Variants in DPF3 observed in about 807,000 individuals in gnomAD.
DPF3 encodes the protein double PHD fingers 3, also known as zinc finger protein DPF3.
In DPF3, 18 loss-of-function variants were observed where a neutral mutation model predicts 56.8. The observed-to-expected ratio is 0.32, with a 90% CI of 0.22 to 0.47. The LOEUF (loss-of-function observed/expected upper bound fraction) is 0.47. Ranked by LOEUF, DPF3 falls within the 20% of genes least tolerant of loss-of-function variation. DPF3 has a pLI of 1.00. For missense variants in DPF3, 403 were observed against 488.8 expected (o/e 0.82, Z 1.65); for synonymous variants, 188 against 180.2 (o/e 1.04, Z -0.35).
intron 1 of DPF3, among the ~76,000 whole-genome samples, chr14:72,811,027 C>T (rs183951549): frequency 1.3e-5 from 2 of 152,324 alleles, no homozygotes; most frequent in East Asian, 1.9e-4. Context: ...CAGGAAGCTA[C>T]AATCATGGCG....
At chr14:72,864,588 G>A (rs1885586476) in intron 1 of DPF3, among the ~76,000 whole-genome samples, 1 of 152,356 alleles carries the variant, frequency 6.6e-6, no homozygotes, top group East Asian at 1.9e-4. Flanking sequence ...GATTGAAAAT[G>A]GATATGAAAG....
At chr14:72,638,431 C>T (rs1042995733) in intron 8 of DPF3, among the ~76,000 whole-genome samples, 1 of 152,156 alleles carries the variant, frequency 6.6e-6, no homozygotes, top group African/African-American at 2.4e-5. Context: ...AAAAAGAAAC[C>T]ATTGCTTAGA....
chr14:72,875,333 G>A (rs749146214), intron 1 of DPF3, among the ~76,000 whole-genome samples: 4 of 152,098 alleles, frequency 2.6e-5, no homozygotes, highest in Non-Finnish European at 5.9e-5. Context: ...CTTGAGCCTG[G>A]GAGGTCGAGG....
At chr14:72,756,121 G>A (rs75575287) in intron 2 of DPF3, among the ~76,000 whole-genome samples, 3,348 of 152,012 alleles carry the variant, frequency 0.022, 149 homozygotes, top group East Asian at 0.16. Flanking sequence ...ATGAAGGAGG[G>A]GAAACAAGTG....
chr14:72,827,904 G>A (rs1220058350), intron 1 of DPF3, among the ~76,000 whole-genome samples: 1 of 151,914 alleles, frequency 6.6e-6, no homozygotes, highest in Non-Finnish European at 1.5e-5. Flanking sequence ...GTAAGCCAAG[G>A]TCACACCACT....
chr14:72,672,059 A>ACACG (rs1555494742), intron 8 of DPF3, among the ~76,000 whole-genome samples: 2,494 of 63,756 alleles, frequency 0.039, 102 homozygotes, highest in African/African-American at 0.11. Context: ...ACACACACAC[A>ACACG]GACACACACA....
At chr14:72,729,913 A>C (rs187678984) in intron 4 of DPF3, among the ~76,000 whole-genome samples, 125 of 152,286 alleles carry the variant, frequency 8.2e-4, no homozygotes, top group Non-Finnish European at 1.6e-3. Flanking sequence ...CGTCATGCAG[A>C]CTTTGAACAT....
intron 4 of DPF3, among the ~76,000 whole-genome samples, chr14:72,729,021 G>A (rs1199368100): frequency 1.3e-5 from 2 of 152,072 alleles, no homozygotes; most frequent in Admixed American, 6.6e-5. Context: ...GCCGAAGTGG[G>A]TAGATCACCT....
Position 72,619,996 on chromosome 14 carries a change from C to T in DPF3, c.985-12G>A. The T allele has an allele frequency of 2.0e-6, 3 of 1,532,448 alleles. No individual in the cohort carries two copies. The highest frequency in any genetic ancestry group is 2.0e-5 in the Admixed American group (1 of 50,718). 94.9% of individuals were successfully genotyped at this position (1,532,448 alleles called of 1,614,324 possible). On this transcript the variant is annotated splice_polypyrimidine_tract_variant and intron_variant, in intron 9 of 10. Transcript: ENST00000556509. The stretch of plus-strand genomic sequence containing the variant: ...AAGAGTAGCTGGTCCTGGTGGAACA[C>T]AGAGTAAGCACAGAGGAGGAGAGAT...
rs377406836 is a variant in DPF3 at position 72,720,286 on chromosome 14, A to T, written c.525+3347T>A. Among the ~76,000 whole-genome samples, 530 of 152,262 alleles carry T rather than the reference A, an allele frequency of 3.5e-3. 4 individuals are homozygous for T. Among genetic ancestry groups the T allele is most frequent in the African/African-American group, 0.012 (496 of 41,566 alleles). ...GACAAGAGGATCGCTTGAGGCCAGG[A>T]GTTCCAGATCAGCCTGAGCAACAGA... On this transcript the variant is annotated intron_variant, in intron 5 of 10. Transcript: ENST00000556509.
chr14:72,863,135 T>C (rs111519212), intron 1 of DPF3, among the ~76,000 whole-genome samples: 18 of 87,612 alleles, frequency 2.1e-4, no homozygotes, highest in Non-Finnish European at 3.1e-4. Context: ...TGTGTGTGTG[T>C]GTATATATAT....
chr14:72,816,456 G>C (rs979379566), intron 1 of DPF3, among the ~76,000 whole-genome samples: 1 of 152,074 alleles, frequency 6.6e-6, no homozygotes, highest in Non-Finnish European at 1.5e-5. Context: ...TTCTTATACA[G>C]CAAGTGGGTA....
intron 1 of DPF3, among the ~76,000 whole-genome samples, chr14:72,873,730 A>G (rs183735519): frequency 8.3e-4 from 126 of 152,294 alleles, no homozygotes; most frequent in African/African-American, 2.7e-3. Context: ...ACACCATGGA[A>G]TACTATGTAG....
chr14:72,650,892 A>T (rs894162038), intron 8 of DPF3, among the ~76,000 whole-genome samples: 28 of 152,188 alleles, frequency 1.8e-4, no homozygotes, highest in African/African-American at 6.3e-4. Flanking sequence ...TCCACCACTG[A>T]TGTCGCTCCA....
In DPF3 at chr14:72,747,615, C is replaced by T. The variant is rs376913552; in HGVS notation, c.301+5649G>A. 6.7e-5 allele frequency among the ~76,000 whole-genome samples: 10 copies of T among 149,836 alleles called. No individual in the cohort carries two copies. The East Asian group carries it at 1.2e-3, about 18-fold the overall frequency. ...CCAGGCTGGGCAACATAGTGAGACC[C>T]CCGTCTCTACAAAAAAAAAAAAAAA... On this transcript the variant is annotated intron_variant, in intron 3 of 10. Transcript: ENST00000556509.
At chr14:72,875,893 T>G (rs539458155) in intron 1 of DPF3, among the ~76,000 whole-genome samples, 4 of 152,324 alleles carry the variant, frequency 2.6e-5, no homozygotes, top group African/African-American at 7.2e-5. Context: ...CCCACTGTCT[T>G]AGAGACCTGC....
intron 3 of DPF3, among the ~76,000 whole-genome samples, chr14:72,733,095 C>T (rs1329865869): frequency 2.6e-5 from 4 of 152,094 alleles, no homozygotes; most frequent in Non-Finnish European, 5.9e-5. Context: ...CCATCCCCTG[C>T]TGTTTTTTTA....
intron 7 of DPF3, among the ~76,000 whole-genome samples, chr14:72,685,562 C>T (rs1166079164): frequency 6.6e-6 from 1 of 152,136 alleles, no homozygotes; most frequent in Non-Finnish European, 1.5e-5. Flanking sequence ...GTAAACTCTC[C>T]CAATAAGTGG....
At chr14:72,630,671 C>G (rs1307279429) in intron 8 of DPF3, among the ~76,000 whole-genome samples, 2 of 152,154 alleles carry the variant, frequency 1.3e-5, no homozygotes, top group African/African-American at 4.8e-5. Context: ...GGATGACATT[C>G]CCAAGTCGCC....
Sources: allele counts gnomAD v4.1 joint callset (sites outside exome capture counted in the v4.1 genomes callset), GRCh38; gene constraint gnomAD v4.1.1; transcripts MANE v1.5; gene names NCBI Gene and HGNC (gene_info 2026-07-23, HGNC 2026-07-21).